Variants in SCLT1 observed in about 807,000 individuals in gnomAD.
The protein encoded by SCLT1 is sodium channel-associated protein 1.
SCLT1 carries 78 observed loss-of-function variants against 112.8 expected under a neutral mutation model. The ratio of observed to expected loss-of-function variants is 0.69; its 90% CI spans 0.58 to 0.83. The LOEUF (loss-of-function observed/expected upper bound fraction) is 0.83, where lower values mean the gene tolerates loss of function less well. Ranked by LOEUF, SCLT1 falls within the 40% of genes least tolerant of loss-of-function variation. The pLI, the probability that SCLT1 is intolerant of heterozygous loss-of-function variation, is 0.00. For synonymous variants in SCLT1, 257 were observed against 254.7 expected, an observed-to-expected ratio of 1.01 and a Z score of -0.09; for missense variants, 747 against 770.4, an observed-to-expected ratio of 0.97 and a Z score of 0.36.
intron 5 of SCLT1, among the ~76,000 whole-genome samples, chr4:129,034,713 T>C (rs1474740242): frequency 6.6e-6 from 1 of 150,498 alleles, no homozygotes; most frequent in East Asian, 1.9e-4. Flanking sequence ...TAGTAAACTT[T>C]TTATGTAAAA....
chr4:129,005,540 A>G (rs910102043), intron 5 of SCLT1, among the ~76,000 whole-genome samples: 1 of 152,174 alleles, frequency 6.6e-6, no homozygotes, highest in Non-Finnish European at 1.5e-5. Flanking sequence ...GGATGTGGAG[A>G]AATAGGAACA....
intron 2 of SCLT1, among the ~76,000 whole-genome samples, chr4:129,076,590 C>CT (rs1169287467): frequency 6.6e-6 from 1 of 151,894 alleles, no homozygotes; most frequent in African/African-American, 2.4e-5. Context: ...GACCAAAGCA[C>CT]TAACCTTAGC....
At chr4:129,013,553 C>T (rs1321562004) in intron 5 of SCLT1, among the ~76,000 whole-genome samples, 2 of 152,040 alleles carry the variant, frequency 1.3e-5, no homozygotes, top group East Asian at 3.9e-4. Flanking sequence ...GATCTTATTT[C>T]TCCTTCGCTT....
At chr4:128,993,597 A>G (rs1483973757) in intron 8 of SCLT1, among the ~76,000 whole-genome samples, 1 of 152,088 alleles carries the variant, frequency 6.6e-6, no homozygotes, top group Non-Finnish European at 1.5e-5. Flanking sequence ...GTTGTTCTAT[A>G]TTTATGACCA....
chr4:128,886,711 T>C (rs1322130280), intron 20 of SCLT1, among the ~76,000 whole-genome samples: 3 of 152,116 alleles, frequency 2.0e-5, no homozygotes, highest in African/African-American at 7.2e-5. Flanking sequence ...TTTAAAAAGG[T>C]TAGTCAAAAG....
intron 5 of SCLT1, among the ~76,000 whole-genome samples, chr4:129,026,768 T>G (rs1746135462): frequency 6.6e-6 from 1 of 152,120 alleles, no homozygotes. Context: ...AGGAGCTGGT[T>G]TTTTGAAAGG....
At chr4:128,942,192 G>A (rs73850058) in intron 17 of SCLT1, among the ~76,000 whole-genome samples, 2,178 of 152,020 alleles carry the variant, frequency 0.014, 50 homozygotes, top group African/African-American at 0.049. Context: ...AATAACTAGG[G>A]CATTTCATAC....
intron 18 of SCLT1, among the ~76,000 whole-genome samples, chr4:128,901,802 T>A (rs1303672821): frequency 6.6e-6 from 1 of 152,208 alleles, no homozygotes; most frequent in Non-Finnish European, 1.5e-5. Context: ...ATTTTATGTA[T>A]AAGAGATTTA....
chr4:129,086,654 A>C (rs2125782677), intron 1 of SCLT1, among the ~76,000 whole-genome samples: 1 of 152,268 alleles, frequency 6.6e-6, no homozygotes, highest in East Asian at 1.9e-4. Context: ...ACTGGGCATC[A>C]GCTATAGAAA....
chr4:129,080,918 C>T (rs1315190981), intron 2 of SCLT1, among the ~76,000 whole-genome samples: 16 of 152,090 alleles, frequency 1.1e-4, no homozygotes, highest in African/African-American at 2.7e-4. Flanking sequence ...TGGTCTCCCC[C>T]GTGTGAAACA....
At chr4:128,917,110 C>T (rs73850033) in intron 18 of SCLT1, among the ~76,000 whole-genome samples, 2,500 of 152,230 alleles carry the variant, frequency 0.016, 54 homozygotes, top group African/African-American at 0.051. Context: ...TCACCTGTTC[C>T]TTTCTGTAAA....
At chr4:129,090,750 G>A (rs1752760261) in intron 1 of SCLT1, among the ~76,000 whole-genome samples, 1 of 152,144 alleles carries the variant, frequency 6.6e-6, no homozygotes, top group Admixed American at 6.5e-5. Flanking sequence ...GTACCTCTTT[G>A]AACAGGTTCC....
At chr4:128,907,742 T>C (rs1734795977) in intron 18 of SCLT1, among the ~76,000 whole-genome samples, 1 of 69,874 alleles carries the variant, frequency 1.4e-5, no homozygotes, top group African/African-American at 7.4e-5. Flanking sequence ...TAACCCATAT[T>C]GAAAGTCAAG....
chr4:128,913,729 A>G lies in SCLT1; in HGVS notation c.1830-22592T>C, dbSNP rs143566957. 6.6e-5 allele frequency among the ~76,000 whole-genome samples: 10 copies of G among 152,324 alleles called. No individual in the cohort carries two copies. The East Asian group carries it at 1.7e-3, about 26-fold the overall frequency. Reference sequence around the variant, plus strand: ...ACCTCTTCTAAAATGGGGCGCTCTCAAAAATACATACAGTGCCTATTGGCT... The same window carrying G: ...ACCTCTTCTAAAATGGGGCGCTCTCGAAAATACATACAGTGCCTATTGGCT... On this transcript the variant is annotated intron_variant, in intron 18 of 20. Coordinates refer to ENST00000281142, the MANE Select transcript of SCLT1 (RefSeq NM_144643.4).
At chr4:128,978,573 A>G (rs1741385427) in intron 9 of SCLT1, among the ~76,000 whole-genome samples, 1 of 152,074 alleles carries the variant, frequency 6.6e-6, no homozygotes, top group Non-Finnish European at 1.5e-5. Flanking sequence ...AACCAAGGAG[A>G]ATGAGGGAGG....
intron 3 of SCLT1, among the ~76,000 whole-genome samples, chr4:128,877,816 CTT>C (rs1330231099): frequency 1.3e-5 from 2 of 152,268 alleles, no homozygotes; most frequent in South Asian, 2.1e-4. Context: ...GGTTAAAAGA[CTT>C]TGAGTATAAC....
At chr4:128,952,313 T>A (rs745810581) in intron 14 of SCLT1, 20 of 456,682 alleles carry the variant, frequency 4.4e-5, no homozygotes, top group Admixed American at 7.1e-5. Context: ...ACATCAAATC[T>A]TCAAGTTAAA....
At chr4:128,956,672 T>A (rs1379177315) in intron 13 of SCLT1, among the ~76,000 whole-genome samples, 1 of 152,148 alleles carries the variant, frequency 6.6e-6, no homozygotes, top group Non-Finnish European at 1.5e-5. Context: ...TTAACTTTAT[T>A]TTTTCTAAAC....
intron 12 of SCLT1, among the ~76,000 whole-genome samples, chr4:128,958,269 T>C (rs567606721): frequency 2.0e-4 from 30 of 152,238 alleles, no homozygotes; most frequent in African/African-American, 6.5e-4. Context: ...ACAAGTAAGC[T>C]AGTGAGAAGT....
Sources: gnomAD v4.1 joint callset for allele counts (sites outside exome capture counted in the v4.1 genomes callset) on GRCh38, gnomAD v4.1.1 for gene constraint, MANE v1.5 for transcripts, NCBI Gene and HGNC (gene_info 2026-07-23, HGNC 2026-07-21) for gene names.